The following LRP1B variants were observed in gnomAD, a reference collection of about 807,000 sequenced individuals.
LRP1B encodes LDL receptor related protein 1B, also known as low-density lipoprotein receptor-related protein 1B.
In LRP1B, 217 loss-of-function variants were observed where a neutral mutation model predicts 556.6. That is an observed-to-expected ratio of 0.39 (90% CI 0.35 to 0.44). The LOEUF is 0.44. Among genes scored for constraint, LRP1B ranks in the 20% least tolerant of loss-of-function variants. LRP1B has a pLI of 1.00. For synonymous variants in LRP1B, 2,047 were observed against 1,865.8 expected (o/e 1.10, Z -2.50); for missense variants, 5,053 against 5,620.8 (o/e 0.90, Z 3.23).
intron 35 of LRP1B, among the ~76,000 whole-genome samples, chr2:140,722,894 T>G (rs931488582): frequency 5.9e-5 from 9 of 151,876 alleles, no homozygotes; most frequent in Non-Finnish European, 1.3e-4. Context: ...ATACAAAAAA[T>G]TAGCCGGGCA....
chr2:140,338,274 GA>G (rs1170282665), intron 77 of LRP1B, among the ~76,000 whole-genome samples: 2 of 151,726 alleles, frequency 1.3e-5, no homozygotes, highest in Admixed American at 6.6e-5. Flanking sequence ...ATGACAAGAT[GA>G]TTCTCAGAGA....
chr2:140,752,322 CTTT>C (rs34686176), intron 35 of LRP1B, among the ~76,000 whole-genome samples: 3 of 135,986 alleles, frequency 2.2e-5, no homozygotes, highest in Non-Finnish European at 3.1e-5. Context: ...ACTTAAAATA[CTTT>C]TTTTTTTTTT....
At chr2:141,145,924 T>TTC (rs1163987809) in intron 7 of LRP1B, among the ~76,000 whole-genome samples, 1 of 26,834 alleles carries the variant, frequency 3.7e-5, no homozygotes, top group Non-Finnish European at 1.8e-4. Flanking sequence ...CTTTCTTTCT[T>TTC]TTTTTTTTTT....
At chr2:141,840,551 C>A (rs1208220296) in intron 1 of LRP1B, among the ~76,000 whole-genome samples, 1 of 152,042 alleles carries the variant, frequency 6.6e-6, no homozygotes, top group Non-Finnish European at 1.5e-5. Context: ...GCCACCACGC[C>A]CGGCATTATT....
At position 141,947,435 on chromosome 2, in the gene LRP1B, C is replaced by T. The variant is rs929427997; in HGVS notation, c.83-137034G>A. On this transcript the variant is annotated intron_variant, in intron 1 of 90. Coordinates refer to ENST00000389484, the MANE Select transcript of LRP1B (RefSeq NM_018557.3). ...CTGGGGACACAGCGAGAGTCCATCT[C>T]AAAAAAAATAAATAAATAATAAATA... 2.7e-5 allele frequency among the ~76,000 whole-genome samples: 4 copies of T among 150,676 alleles called. No homozygotes were observed. The East Asian group carries it at 7.8e-4, about 29-fold the overall frequency.
intron 7 of LRP1B, among the ~76,000 whole-genome samples, chr2:141,141,192 C>T (rs959280144): frequency 1.3e-5 from 2 of 152,086 alleles, no homozygotes; most frequent in East Asian, 1.9e-4. Flanking sequence ...ATATAGTAAA[C>T]TTTGTTATGG....
intron 84 of LRP1B, among the ~76,000 whole-genome samples, chr2:140,284,612 TTCTA>T (rs1418119013): frequency 1.3e-5 from 2 of 151,624 alleles, no homozygotes; most frequent in Non-Finnish European, 3.0e-5. Context: ...CCTCCTTTCT[TTCTA>T]TCTCTTTTAT....
intron 41 of LRP1B, among the ~76,000 whole-genome samples, chr2:140,630,842 C>T (rs546196764): frequency 5.3e-5 from 8 of 152,244 alleles, no homozygotes; most frequent in African/African-American, 1.9e-4. Flanking sequence ...TAGTGTCTCA[C>T]CTAAGGAGTT....
intron 3 of LRP1B, among the ~76,000 whole-genome samples, chr2:141,454,181 C>A (rs756157418): frequency 2.0e-5 from 3 of 152,198 alleles, no homozygotes; most frequent in Non-Finnish European, 4.4e-5. Flanking sequence ...AGTACACAGA[C>A]TGTCTCTAAG....
At chr2:140,870,138 C>G (rs1693080678) in intron 25 of LRP1B, among the ~76,000 whole-genome samples, 2 of 151,886 alleles carry the variant, frequency 1.3e-5, no homozygotes, top group Non-Finnish European at 2.9e-5. Context: ...GATTAAACAA[C>G]AAAGACAAAA....
At chr2:141,463,132 T>G (rs1681977659) in intron 3 of LRP1B, among the ~76,000 whole-genome samples, 2 of 152,146 alleles carry the variant, frequency 1.3e-5, no homozygotes, top group Admixed American at 1.3e-4. Flanking sequence ...CTTGTTTAGA[T>G]TAGTATTGGT....
chr2:140,648,238 A>G (rs1684553735), intron 41 of LRP1B, among the ~76,000 whole-genome samples: 1 of 151,492 alleles, frequency 6.6e-6, no homozygotes, highest in Admixed American at 6.6e-5. Context: ...GAAGTGAACA[A>G]TGAGAACACT....
At chr2:140,925,033 G>C (rs1694846689) in intron 20 of LRP1B, among the ~76,000 whole-genome samples, 2 of 151,978 alleles carry the variant, frequency 1.3e-5, no homozygotes, top group Non-Finnish European at 2.9e-5. Context: ...CAACAATATA[G>C]TATAACTATA....
At chr2:140,422,964 T>C (rs1299537959) in intron 66 of LRP1B, among the ~76,000 whole-genome samples, 1 of 152,156 alleles carries the variant, frequency 6.6e-6, no homozygotes, top group Non-Finnish European at 1.5e-5. Flanking sequence ...TCACTTTCCA[T>C]CTGTCAGTAA....
chr2:140,767,239 C>T (rs73961487), intron 35 of LRP1B, among the ~76,000 whole-genome samples: 2,930 of 152,074 alleles, frequency 0.019, 95 homozygotes, highest in African/African-American at 0.066. Context: ...ATTCTACCTA[C>T]ATGACTATTC....
At position 140,865,416 on chromosome 2, in the gene LRP1B, C is replaced by A. The variant is rs184231066; in HGVS notation, c.4579+2174G>T. 1.6e-3 allele frequency among the ~76,000 whole-genome samples: 250 copies of A among 151,854 alleles called. 1 individual carries two copies. Among genetic ancestry groups the A allele is most frequent in the African/African-American group, 5.9e-3 (245 of 41,466 alleles). ...CATCATGTTATTATTCACCAGAATACGGGCTATTATTATTGTATTTGTGTT... is the reference window on the plus strand; with the variant it reads ...CATCATGTTATTATTCACCAGAATAAGGGCTATTATTATTGTATTTGTGTT... On this transcript the variant is annotated intron_variant, in intron 27 of 90. Transcript: ENST00000389484.
At chr2:140,384,222 C>T (rs939068291) in intron 67 of LRP1B, among the ~76,000 whole-genome samples, 7 of 152,276 alleles carry the variant, frequency 4.6e-5, no homozygotes, top group South Asian at 4.1e-4. Flanking sequence ...AAGGCATTTG[C>T]TCTCAGTTAC....
chr2:140,496,566 A>G (rs1478460684), intron 55 of LRP1B, among the ~76,000 whole-genome samples: 1 of 152,108 alleles, frequency 6.6e-6, no homozygotes, highest in Admixed American at 6.6e-5. Context: ...ATGACACATG[A>G]TATTAACTAA....
chr2:142,097,034 A>G (rs1215475107), intron 1 of LRP1B, among the ~76,000 whole-genome samples: 1 of 142,860 alleles, frequency 7.0e-6, no homozygotes, highest in African/African-American at 2.6e-5. Flanking sequence ...ATCACAGTCT[A>G]CAGTTTGCTG....
Sources: gnomAD v4.1 joint callset for allele counts (sites outside exome capture counted in the v4.1 genomes callset) on GRCh38, gnomAD v4.1.1 for gene constraint, MANE v1.5 for transcripts, NCBI Gene and HGNC (gene_info 2026-07-23, HGNC 2026-07-21) for gene names.